Variants in CTSO observed in about 807,000 individuals in gnomAD.
The protein encoded by CTSO is cathepsin O.
In CTSO, 40 loss-of-function variants were observed where a neutral mutation model predicts 42.4. That is an observed-to-expected ratio of 0.94 (90% CI 0.73 to 1.23). CTSO has a LOEUF of 1.23. CTSO is among the 50% of genes most tolerant of loss of function. The probability of loss-of-function intolerance (pLI) is 0.00; values close to 1 mark genes in which losing one functional copy is unlikely to be tolerated. For missense variants in CTSO, 441 were observed against 396.0 expected (o/e 1.11, Z -0.96); for synonymous variants, 156 against 146.2 (o/e 1.07, Z -0.48).
At position 155,937,431 on chromosome 4, in the gene CTSO, C is replaced by A. The variant is rs754890474; in HGVS notation, c.605G>T (p.Gly202Val). ...TGAACCAGAAAAGTAATGGCACAGA[C>A]CATTTTGTGCTTTAAAAGGATATTC... is the stretch of plus-strand genomic sequence containing the variant. Reference protein sequence around the residue: ...DSEYPFKAQNGLCHYFSGSHS... With the variant: ...DSEYPFKAQNVLCHYFSGSHS... Residue 202 changes from glycine to valine, a missense_variant, in exon 5 of 8, where the codon GGT (glycine) becomes GTT (valine). Transcript: ENST00000433477. 1 of 1,612,422 alleles carries A rather than the reference C, an allele frequency of 6.2e-7. No individual in the cohort carries two copies. Among genetic ancestry groups the A allele is most frequent in the African/African-American group, 1.3e-5 (1 of 74,986 alleles).
At chr4:155,930,367 T>C (rs1345066041) in intron 5 of CTSO, among the ~76,000 whole-genome samples, 4 of 152,196 alleles carry the variant, frequency 2.6e-5, no homozygotes, top group Non-Finnish European at 5.9e-5. Context: ...TAAGCAAATA[T>C]TTTAAAAAGA....
intron 1 of CTSO, among the ~76,000 whole-genome samples, chr4:155,945,260 AAAAT>A (rs1579347863): frequency 1.3e-5 from 2 of 152,088 alleles, no homozygotes; most frequent in African/African-American, 4.8e-5. Context: ...CCAACTCAAA[AAAAT>A]AAATAAATAA....
rs1034278081 is a variant in CTSO at position 155,925,100 on chromosome 4, G to A, written c.*936C>T. ...ATCCTAATGTTGGTAAAGGTACAGA[G>A]ACAAAGGGAGCCAACCAAGTGGTAA... On this transcript the variant is annotated 3_prime_UTR_variant, in exon 8 of 8. Transcript: ENST00000433477. 2.0e-5 allele frequency: 3 copies of A among 152,112 alleles called. No individual in the cohort carries two copies. In the East Asian group the frequency reaches 5.8e-4, roughly 29 times the overall value. 9.4% of individuals were successfully genotyped at this position (152,112 alleles called of 1,614,324 possible).
intron 4 of CTSO, among the ~76,000 whole-genome samples, 153 bp from the exon 5 acceptor site, chr4:155,937,636 A>G (rs1743353230): frequency 6.6e-6 from 1 of 151,182 alleles, no homozygotes; most frequent in Non-Finnish European, 1.5e-5. Flanking sequence ...CTTTTTTGAG[A>G]CAGAGTTTTG....
intron 2 of CTSO, 94 bp downstream of exon 2, chr4:155,943,062 C>T: frequency 2.6e-6 from 2 of 758,286 alleles, no homozygotes; most frequent in East Asian, 2.5e-5. Context: ...TTAACTATTA[C>T]TCAATATATT....
At chr4:155,937,650 G>A (rs1172756454) in intron 4 of CTSO, among the ~76,000 whole-genome samples, 167 bp from the exon 5 acceptor site, 1 of 150,490 alleles carries the variant, frequency 6.6e-6, no homozygotes, top group East Asian at 1.9e-4. Context: ...AGTTTTGTTT[G>A]GTTGCTCAGG....
Position 155,939,419 on chromosome 4 carries a change from A to G in CTSO, c.504T>C (p.Tyr168=). The change falls in exon 4 of 8, where the codon TAT becomes TAC. Residue 168 remains tyrosine (Y), a synonymous_variant. Transcript: ENST00000433477. ...QQVIDCSYNN[Y]GCNGGSTLNA... ...TGAGAGTAGAGCCTCCATTGCAGCC[A>G]TAATTATTATACGAACAGTCAATGA... 1.2e-6 allele frequency: 2 copies of G among 1,614,138 alleles called. No homozygotes were observed. Among genetic ancestry groups the G allele is most frequent in the Middle Eastern group, 1.6e-4 (1 of 6,062 alleles).
At chr4:155,947,560 T>C (rs997773499) in intron 1 of CTSO, among the ~76,000 whole-genome samples, 1 of 152,246 alleles carries the variant, frequency 6.6e-6, no homozygotes, top group African/African-American at 2.4e-5. Context: ...TTCTCTTATT[T>C]ATTTATTGTC....
Position 155,953,653 on chromosome 4 carries a change from A to G in CTSO, c.135+60T>C, listed in dbSNP as rs565274849. On this transcript the variant is annotated intron_variant, in intron 1 of 7. Coordinates refer to ENST00000433477, the MANE Select transcript of CTSO (RefSeq NM_001334.3). Reference sequence around the variant, plus strand: ...TCTCGGGGGCCCTCTTCCGCAGCCCAGACCCGGGACAGGAAGTGAGGGAGC... The same window carrying G: ...TCTCGGGGGCCCTCTTCCGCAGCCCGGACCCGGGACAGGAAGTGAGGGAGC... 14 of 1,233,440 alleles carry G rather than the reference A, an allele frequency of 1.1e-5. No homozygotes were observed. The South Asian group carries it at 4.4e-4, about 38-fold the overall frequency. 76.4% of individuals were successfully genotyped at this position (1,233,440 alleles called of 1,614,324 possible). A position where few individuals can be genotyped will look rare whatever the true frequency, so the allele number is the denominator to read the frequency against.
Position 155,953,750 on chromosome 4 carries a change from C to A in CTSO, c.98G>T (p.Trp33Leu). 2 of 1,286,386 alleles carry A rather than the reference C, an allele frequency of 1.6e-6. No homozygotes were observed. The highest frequency in any genetic ancestry group is 2.5e-5 in the South Asian group (1 of 39,548). The allele number at this position is 1,286,386 out of a possible 1,614,324, so 79.7% of individuals were successfully genotyped here. The part of the protein sequence containing the change: ...ADSRAPFTPT[W>L]PRSREREAAA... Reference sequence around the variant, plus strand: ...GGCTTCACGCTCGCGGCTCCGCGGCCAGGTCGGGGTGAAGGGGGCGCGGGA... The same window carrying A: ...GGCTTCACGCTCGCGGCTCCGCGGCAAGGTCGGGGTGAAGGGGGCGCGGGA... The change falls in exon 1 of 8, where the codon TGG becomes TTG. Residue 33 changes from tryptophan (W) to leucine (L), a missense_variant. Physicochemically the swap from Trp to Leu is moderately conservative, Grantham distance 61. Coordinates refer to ENST00000433477, the MANE Select transcript of CTSO (RefSeq NM_001334.3).
Position 155,938,850 on chromosome 4 carries a change from C to T in CTSO, c.552+521G>A, listed in dbSNP as rs377033789. Among the ~76,000 whole-genome samples, 34 of 152,020 alleles carry T rather than the reference C, an allele frequency of 2.2e-4. 1 individual carries two copies. The highest frequency in any genetic ancestry group is 7.8e-4 in the East Asian group (4 of 5,154). The stretch of plus-strand genomic sequence containing the variant: ...GGGCACCTATAGTTCCCAGCTACTC[C>T]GGAGGCTGAAGCAGCAGAAACACTT... On this transcript the variant is annotated intron_variant, in intron 4 of 7. Coordinates refer to ENST00000433477, the MANE Select transcript of CTSO (RefSeq NM_001334.3).
rs529120335 is a variant in CTSO, at chr4:155,924,817, C to T, written c.*1219G>A. On this transcript the variant is annotated 3_prime_UTR_variant, in exon 8 of 8. Transcript: ENST00000433477. Reference sequence around the variant, plus strand: ...ATAGGATCATCGATCACTGTGTGGACGCAGGCTAATCAGAATTGCACCTGA... The same window carrying T: ...ATAGGATCATCGATCACTGTGTGGATGCAGGCTAATCAGAATTGCACCTGA... 2.0e-5 allele frequency: 3 copies of T among 152,126 alleles called. No homozygotes were observed. Among genetic ancestry groups the T allele is most frequent in the South Asian group, 4.2e-4 (2 of 4,810 alleles). The allele number at this position is 152,126 out of a possible 1,614,324, so 9.4% of individuals were successfully genotyped here. A position where few individuals can be genotyped will look rare whatever the true frequency, so the allele number is the denominator to read the frequency against.
chr4:155,950,510 A>G (rs1001624455), intron 1 of CTSO, among the ~76,000 whole-genome samples: 1 of 150,778 alleles, frequency 6.6e-6, no homozygotes, highest in Non-Finnish European at 1.5e-5. Flanking sequence ...TCATCAGAAA[A>G]AGTCTGCTGA....
chr4:155,940,893 C>T (rs1743418362), intron 3 of CTSO, among the ~76,000 whole-genome samples: 1 of 150,682 alleles, frequency 6.6e-6, no homozygotes, highest in African/African-American at 2.4e-5. Context: ...CCCCTATAGC[C>T]AGCTTTAGTC....
chr4:155,941,672 C>G (rs1406763720), intron 3 of CTSO, among the ~76,000 whole-genome samples: 1 of 152,184 alleles, frequency 6.6e-6, no homozygotes, highest in African/African-American at 2.4e-5. Flanking sequence ...CCTCATTTCT[C>G]CCATAATCCC....
chr4:155,947,903 G>A (rs1579349279), intron 1 of CTSO, among the ~76,000 whole-genome samples: 1 of 152,190 alleles, frequency 6.6e-6, no homozygotes, highest in South Asian at 2.1e-4. Flanking sequence ...CTTCATTTAT[G>A]AGAGGAAAGA....
chr4:155,929,626 C>T lies in CTSO; in HGVS notation c.754G>A (p.Asp252Asn), dbSNP rs964170812. 3 of 1,613,920 alleles carry T rather than the reference C, an allele frequency of 1.9e-6. No individual in the cohort carries two copies. The highest frequency in any genetic ancestry group is 2.2e-5 in the East Asian group (1 of 44,876). Reference protein sequence around the residue: ...VVIVDAVSWQDYLGGIIQHHC... With the variant: ...VVIVDAVSWQNYLGGIIQHHC... ...TGCTGTATAATGCCTCCCAGATAAT[C>T]TTGCCAGCTCACTGCATCTACTATG... Residue 252 changes from aspartate to asparagine, a missense_variant, in exon 6 of 8, where the codon GAT becomes AAT. By Grantham distance (23) the Asp-to-Asn change is conservative. Coordinates refer to ENST00000433477, the MANE Select transcript of CTSO (RefSeq NM_001334.3).
At chr4:155,951,396 GT>G (rs1274759368) in intron 1 of CTSO, among the ~76,000 whole-genome samples, 1 of 152,194 alleles carries the variant, frequency 6.6e-6, no homozygotes, top group Non-Finnish European at 1.5e-5. Context: ...AGCACTGGAA[GT>G]TTCTAAAGGA....
intron 1 of CTSO, among the ~76,000 whole-genome samples, chr4:155,952,395 T>G (rs1303111308): frequency 2.0e-5 from 3 of 152,204 alleles, no homozygotes; most frequent in African/African-American, 7.2e-5. Flanking sequence ...TCTAGCCCTT[T>G]GAGCTTTGTC....
Sources: gnomAD v4.1 joint callset for allele counts (sites outside exome capture counted in the v4.1 genomes callset) on GRCh38, gnomAD v4.1.1 for gene constraint, MANE v1.5 for transcripts, NCBI Gene and HGNC (gene_info 2026-07-23, HGNC 2026-07-21) for gene names.